The following RAB38 variants were observed in gnomAD, a reference collection of about 807,000 sequenced individuals.
RAB38 encodes ras-related protein Rab-38.
Under a neutral mutation model 18.4 loss-of-function variants are expected in RAB38, and 15 were observed. That is an observed-to-expected ratio of 0.82 (90% CI 0.55 to 1.26). The LOEUF (loss-of-function observed/expected upper bound fraction) is 1.26, where lower values mean the gene tolerates loss of function less well. Ranked by LOEUF, RAB38 falls within the 50% of genes most tolerant of loss-of-function variation. The pLI, the probability that RAB38 is intolerant of heterozygous loss-of-function variation, is 0.00. For missense variants in RAB38, 294 were observed against 267.4 expected (o/e 1.10, Z -0.69); for synonymous variants, 101 against 104.4 (o/e 0.97, Z 0.20).
At chr11:87,917,369 A>C in the RAB38 span, among the ~76,000 whole-genome samples, 12 of 152,192 alleles carry the variant, frequency 7.9e-5, no homozygotes, top group South Asian at 1.0e-3. Context: ...GAACAGGAAA[A>C]TGTGTCAAGA....
At chr11:87,904,261 G>T in the RAB38 span, among the ~76,000 whole-genome samples, 1 of 151,588 alleles carries the variant, frequency 6.6e-6, no homozygotes, top group Non-Finnish European at 1.5e-5. Context: ...CCCCTCAGTA[G>T]TTCCCAGTTT....
intron 1 of RAB38, among the ~76,000 whole-genome samples, chr11:88,165,197 T>C (rs1029530049): frequency 2.0e-5 from 3 of 152,172 alleles, no homozygotes; most frequent in Non-Finnish European, 4.4e-5. Context: ...ATGCTGTTTA[T>C]AATGCATCAG....
chr11:88,046,536 G>A, the RAB38 span, among the ~76,000 whole-genome samples: 1 of 152,094 alleles, frequency 6.6e-6, no homozygotes, highest in African/African-American at 2.4e-5. Flanking sequence ...AATTACCTAG[G>A]CTGTACTGCT....
the RAB38 span, among the ~76,000 whole-genome samples, chr11:87,976,725 T>G: frequency 8.4e-6 from 1 of 119,718 alleles, no homozygotes; most frequent in African/African-American, 3.4e-5. Flanking sequence ...TTTCTATATA[T>G]TTTATATAAT....
chr11:87,872,248 C>G, the RAB38 span, among the ~76,000 whole-genome samples: 1 of 151,474 alleles, frequency 6.6e-6, no homozygotes, highest in Admixed American at 6.6e-5. Flanking sequence ...CATGAAGAGA[C>G]TATTCAGCTT....
chr11:87,885,956 T>A, the RAB38 span, among the ~76,000 whole-genome samples: 226 of 152,134 alleles, frequency 1.5e-3, no homozygotes, highest in Admixed American at 2.4e-3. Context: ...TTGGGAGAAA[T>A]GCTGAGTGTT....
chr11:88,171,636 T>G (rs1943312690), intron 1 of RAB38, among the ~76,000 whole-genome samples: 1 of 152,196 alleles, frequency 6.6e-6, no homozygotes, highest in South Asian at 2.1e-4. Context: ...AATTATAGAT[T>G]AAATATGCCT....
chr11:87,885,918 GTTCTTTTCT>G, the RAB38 span, among the ~76,000 whole-genome samples: 1 of 151,972 alleles, frequency 6.6e-6, no homozygotes, highest in Non-Finnish European at 1.5e-5. Context: ...TTGTCTCATA[GTTCTTTTCT>G]TTCTTTTCTG....
the RAB38 span, among the ~76,000 whole-genome samples, chr11:88,078,577 C>G: frequency 6.6e-6 from 1 of 151,286 alleles, no homozygotes; most frequent in South Asian, 2.1e-4. Context: ...TTGCAGCAAC[C>G]TGGGTGGAAC....
the RAB38 span, among the ~76,000 whole-genome samples, chr11:87,866,267 A>C: frequency 2.0e-5 from 3 of 151,788 alleles, no homozygotes; most frequent in East Asian, 5.9e-4. Flanking sequence ...ATAAGCAGCA[A>C]ACAAATATCA....
chr11:88,041,710 CAG>C, the RAB38 span, among the ~76,000 whole-genome samples: 1 of 152,298 alleles, frequency 6.6e-6, no homozygotes, highest in African/African-American at 2.4e-5. Context: ...TCATGTGTCT[CAG>C]AGTCTCTGCT....
At chr11:88,009,728 T>C in the RAB38 span, among the ~76,000 whole-genome samples, 1 of 152,210 alleles carries the variant, frequency 6.6e-6, no homozygotes, top group Non-Finnish European at 1.5e-5. Context: ...TTTATAGCTT[T>C]GTGGGTGCCA....
the RAB38 span, among the ~76,000 whole-genome samples, chr11:87,974,009 G>C: frequency 1.3e-4 from 20 of 151,914 alleles, no homozygotes; most frequent in African/African-American, 4.8e-4. Flanking sequence ...TATTCTGAAA[G>C]AAAAAACAAG....
At chr11:87,880,332 G>T in the RAB38 span, among the ~76,000 whole-genome samples, 3 of 151,584 alleles carry the variant, frequency 2.0e-5, no homozygotes, top group Non-Finnish European at 4.4e-5. Context: ...TCGAGTCCTG[G>T]CCACAACATG....
In RAB38 at chr11:88,152,022, G is replaced by C. The variant is rs570799132; in HGVS notation, c.203-2067C>G. ...AAAATACTGTCCACATGACACGTAA[G>C]CCCCAGATGAACTTTTAGTTTTCCC... is the stretch of plus-strand genomic sequence containing the variant. On this transcript the variant is annotated intron_variant, in intron 1 of 2. Coordinates refer to ENST00000243662, the MANE Select transcript of RAB38 (RefSeq NM_022337.3). Among the ~76,000 whole-genome samples, 5 of 152,278 alleles carry C rather than the reference G, an allele frequency of 3.3e-5. No homozygotes were observed. The East Asian group carries it at 9.6e-4, about 29-fold the overall frequency.
the RAB38 span, among the ~76,000 whole-genome samples, chr11:87,806,313 C>T: frequency 6.6e-6 from 1 of 152,068 alleles, no homozygotes; most frequent in Non-Finnish European, 1.5e-5. Flanking sequence ...GATCAGGGCA[C>T]CAGCAGATTC....
At chr11:88,073,468 G>A in the RAB38 span, among the ~76,000 whole-genome samples, 3 of 152,032 alleles carry the variant, frequency 2.0e-5, no homozygotes, top group African/African-American at 7.3e-5. Flanking sequence ...ATACCAAAAA[G>A]AAGACAGTGA....
chr11:87,877,459 C>T, the RAB38 span, among the ~76,000 whole-genome samples: 1 of 151,528 alleles, frequency 6.6e-6, no homozygotes, highest in Non-Finnish European at 1.5e-5. Flanking sequence ...CCCCCACACC[C>T]ATGCTATCTC....
chr11:87,937,077 T>G, the RAB38 span, among the ~76,000 whole-genome samples: 3 of 151,858 alleles, frequency 2.0e-5, no homozygotes, highest in Non-Finnish European at 4.4e-5. Flanking sequence ...ATTCAGTCTT[T>G]AATCATGAAG....
Sources: gnomAD v4.1 joint callset for allele counts (sites outside exome capture counted in the v4.1 genomes callset) on GRCh38, gnomAD v4.1.1 for gene constraint, MANE v1.5 for transcripts, NCBI Gene and HGNC (gene_info 2026-07-23, HGNC 2026-07-21) for gene names.